AKR1C8: variants seen among roughly 807,000 people sequenced by gnomAD.
AKR1C8 encodes the protein aldo-keto reductase family 1 member C-like protein 1.
the AKR1C8 span, among the ~76,000 whole-genome samples, chr10:5,168,312 C>G: frequency 7.9e-5 from 12 of 152,018 alleles, no homozygotes; most frequent in Non-Finnish European, 5.9e-5. Flanking sequence ...AATGACCCCC[C>G]AGAAAACCCT....
chr10:5,181,211 A>G, the AKR1C8 span, among the ~76,000 whole-genome samples: 1 of 152,228 alleles, frequency 6.6e-6, no homozygotes, highest in East Asian at 1.9e-4. Context: ...TAAAAATCTC[A>G]TCTCATTGTC....
chr10:5,151,335 G>A, the AKR1C8 span, among the ~76,000 whole-genome samples: 4 of 152,064 alleles, frequency 2.6e-5, no homozygotes, highest in African/African-American at 9.7e-5. Context: ...AAGCAGTCTA[G>A]TCCCCAGGCA....
chr10:5,127,425 G>GA, the AKR1C8 span, among the ~76,000 whole-genome samples: 2 of 151,934 alleles, frequency 1.3e-5, no homozygotes, highest in African/African-American at 2.4e-5. Context: ...CAGACAATAA[G>GA]AAAAAAGGAT....
chr10:5,159,348 T>C, the AKR1C8 span, among the ~76,000 whole-genome samples: 1 of 152,154 alleles, frequency 6.6e-6, no homozygotes, highest in African/African-American at 2.4e-5. Flanking sequence ...TAGGAAGTGA[T>C]GTGGAAATCT....
chr10:5,118,753 T>G, the AKR1C8 span, among the ~76,000 whole-genome samples: 1 of 152,172 alleles, frequency 6.6e-6, no homozygotes, highest in Non-Finnish European at 1.5e-5. Flanking sequence ...CTGCCAATCA[T>G]CAATTGATTT....
chr10:5,175,060 T>C, the AKR1C8 span, among the ~76,000 whole-genome samples: 1 of 152,006 alleles, frequency 6.6e-6, no homozygotes, highest in Non-Finnish European at 1.5e-5. Context: ...GCTGATGTGC[T>C]GCACCCATTA....
chr10:5,128,573 A>T, the AKR1C8 span, among the ~76,000 whole-genome samples: 1 of 152,152 alleles, frequency 6.6e-6, no homozygotes, highest in Non-Finnish European at 1.5e-5. Flanking sequence ...GATAAGCTCA[A>T]GTTAAAAAGG....
At chr10:5,139,780 CA>C in the AKR1C8 span, among the ~76,000 whole-genome samples, 3 of 152,188 alleles carry the variant, frequency 2.0e-5, no homozygotes, top group South Asian at 6.2e-4. Context: ...ACAATGGCAA[CA>C]AAAGCCAAAA....
At chr10:5,137,872 G>A in the AKR1C8 span, among the ~76,000 whole-genome samples, 1 of 152,072 alleles carries the variant, frequency 6.6e-6, no homozygotes, top group African/African-American at 2.4e-5. Context: ...TTCAAAAGGG[G>A]AGGGGGTGTA....
chr10:5,136,188 A>G, the AKR1C8 span, among the ~76,000 whole-genome samples: 3 of 152,326 alleles, frequency 2.0e-5, no homozygotes, highest in South Asian at 6.2e-4. Flanking sequence ...TAATTACAAT[A>G]AATTGGTGAA....
chr10:5,180,640 C>T, the AKR1C8 span, among the ~76,000 whole-genome samples: 3 of 152,234 alleles, frequency 2.0e-5, no homozygotes, highest in Non-Finnish European at 4.4e-5. Flanking sequence ...ACCTCTGCTC[C>T]AGTTCGAGCT....
At chr10:5,176,218 C>A in the AKR1C8 span, among the ~76,000 whole-genome samples, 1 of 143,136 alleles carries the variant, frequency 7.0e-6, no homozygotes, top group Non-Finnish European at 1.6e-5. Context: ...TTCCCAGCAC[C>A]ATTTATTAAA....
the AKR1C8 span, among the ~76,000 whole-genome samples, chr10:5,139,502 C>G: frequency 6.6e-6 from 1 of 152,190 alleles, no homozygotes; most frequent in African/African-American, 2.4e-5. Context: ...CACCACACCT[C>G]TACAACCATC....
the AKR1C8 span, among the ~76,000 whole-genome samples, chr10:5,167,730 G>A: frequency 6.6e-6 from 1 of 152,052 alleles, no homozygotes; most frequent in Non-Finnish European, 1.5e-5. Context: ...GTATACATAT[G>A]TAAGTAACCT....
the AKR1C8 span, among the ~76,000 whole-genome samples, chr10:5,176,164 AG>A: frequency 6.6e-6 from 1 of 151,210 alleles, no homozygotes; most frequent in East Asian, 1.9e-4. Flanking sequence ...GTAAGGTGTA[AG>A]GAAAGGATCC....
the AKR1C8 span, among the ~76,000 whole-genome samples, chr10:5,116,305 T>A: frequency 6.6e-6 from 1 of 152,210 alleles, no homozygotes; most frequent in African/African-American, 2.4e-5. Flanking sequence ...AATGGAATTG[T>A]CATTGTGTCT....
chr10:5,140,712 G>A, the AKR1C8 span, among the ~76,000 whole-genome samples: 1 of 151,764 alleles, frequency 6.6e-6, no homozygotes, highest in Non-Finnish European at 1.5e-5. Flanking sequence ...CGAGTTAATG[G>A]GTGCTGCAAA....
At chr10:5,172,064 G>A in the AKR1C8 span, among the ~76,000 whole-genome samples, 1 of 152,074 alleles carries the variant, frequency 6.6e-6, no homozygotes, top group Non-Finnish European at 1.5e-5. Context: ...GACCCAGACA[G>A]AAGCGCAGAT....
At chr10:5,161,900 C>T in the AKR1C8 span, 2 of 534,600 alleles carry the variant, frequency 3.7e-6, no homozygotes, top group East Asian at 1.1e-4. Flanking sequence ...TCTACATAGT[C>T]CGGTCCAAGT....
Sources: gnomAD v4.1 joint callset for allele counts (sites outside exome capture counted in the v4.1 genomes callset) on GRCh38, gnomAD v4.1.1 for gene constraint, MANE v1.5 for transcripts, NCBI Gene and HGNC (gene_info 2026-07-23, HGNC 2026-07-21) for gene names.